MYRFL: variants seen among roughly 807,000 people sequenced by gnomAD.
MYRFL encodes the protein myelin regulatory factor-like protein.
In MYRFL, 88 loss-of-function variants were observed where a neutral mutation model predicts 109.4. The observed-to-expected ratio is 0.80, with a 90% CI of 0.68 to 0.96. The LOEUF (loss-of-function observed/expected upper bound fraction) is 0.96, where lower values mean the gene tolerates loss of function less well. Among genes scored for constraint, MYRFL ranks in the 40% least tolerant of loss-of-function variants. The probability of loss-of-function intolerance (pLI) is 0.00; values close to 1 mark genes in which losing one functional copy is unlikely to be tolerated. For synonymous variants in MYRFL, 324 were observed against 320.9 expected, an observed-to-expected ratio of 1.01 and a Z score of -0.10; for missense variants, 957 against 954.9, an observed-to-expected ratio of 1.00 and a Z score of -0.03.
chr12:69,831,123 A>G (rs1167897541), intron 1 of MYRFL, among the ~76,000 whole-genome samples: 1 of 152,168 alleles, frequency 6.6e-6, no homozygotes, highest in African/African-American at 2.4e-5. Flanking sequence ...AAATGGGATT[A>G]TATAATTTGT....
intron 19 of MYRFL, among the ~76,000 whole-genome samples, chr12:69,943,910 G>T (rs1017273193): frequency 4.6e-5 from 7 of 151,882 alleles, no homozygotes; most frequent in African/African-American, 1.7e-4. Context: ...AGACATTTAT[G>T]CAGCCAAAAA....
intron 19 of MYRFL, among the ~76,000 whole-genome samples, chr12:69,947,425 C>G (rs910626275): frequency 3.3e-5 from 5 of 152,038 alleles, no homozygotes; most frequent in African/African-American, 7.2e-5. Flanking sequence ...GAAAGGTTAT[C>G]TCTCCCTCTC....
chr12:69,949,187 G>A (rs942390392), intron 19 of MYRFL, among the ~76,000 whole-genome samples: 15 of 150,828 alleles, frequency 9.9e-5, no homozygotes, highest in Non-Finnish European at 1.9e-4. Flanking sequence ...CAAGTATTGT[G>A]TACTGTTGCT....
At chr12:69,951,744 T>TA (rs1955981766) in intron 19 of MYRFL, among the ~76,000 whole-genome samples, 1 of 152,200 alleles carries the variant, frequency 6.6e-6, no homozygotes, top group Non-Finnish European at 1.5e-5. Flanking sequence ...CTTCTGCTCT[T>TA]ACACGGACAC....
chr12:69,892,880 A>G (rs1330503668), intron 7 of MYRFL, among the ~76,000 whole-genome samples: 6 of 152,198 alleles, frequency 3.9e-5, no homozygotes, highest in South Asian at 2.1e-4. Context: ...ATTAAAATTA[A>G]TCTCATATTG....
At chr12:69,832,138 T>C (rs1447902200) in intron 1 of MYRFL, among the ~76,000 whole-genome samples, 1 of 152,178 alleles carries the variant, frequency 6.6e-6, no homozygotes, top group Non-Finnish European at 1.5e-5. Context: ...AACGATTAGA[T>C]ATAAAACTGG....
intron 11 of MYRFL, among the ~76,000 whole-genome samples, chr12:69,908,113 T>C (rs1954430211): frequency 6.6e-6 from 1 of 152,126 alleles, no homozygotes; most frequent in Non-Finnish European, 1.5e-5. Context: ...CCCCCTCCCT[T>C]CCTATCTTAC....
intron 13 of MYRFL, among the ~76,000 whole-genome samples, chr12:69,918,354 G>C (rs1954813176): frequency 6.6e-6 from 1 of 152,180 alleles, no homozygotes; most frequent in Admixed American, 6.5e-5. Context: ...AGGGCCTGTA[G>C]AGGAAGAAAA....
At chr12:69,836,102 A>G (rs1053615684) in intron 1 of MYRFL, among the ~76,000 whole-genome samples, 18 of 152,134 alleles carry the variant, frequency 1.2e-4, no homozygotes, top group African/African-American at 4.3e-4. Context: ...AGGTGGGGGA[A>G]CCAGAAGGGA....
At chr12:69,910,953 C>T in intron 13 of MYRFL, 23 bp downstream of exon 13, 1 of 1,477,642 alleles carries the variant, frequency 6.8e-7, no homozygotes, top group Non-Finnish European at 9.1e-7. Context: ...AAGATATCAG[C>T]TGCTATAAGC....
intron 2 of MYRFL, among the ~76,000 whole-genome samples, chr12:69,857,697 A>G (rs2136323248): frequency 6.6e-6 from 1 of 151,522 alleles, no homozygotes; most frequent in African/African-American, 2.4e-5. Flanking sequence ...GGAAATATTG[A>G]TTTTCATATA....
chr12:69,830,750 A>G (rs890763807), intron 1 of MYRFL, among the ~76,000 whole-genome samples: 1 of 152,108 alleles, frequency 6.6e-6, no homozygotes, highest in African/African-American at 2.4e-5. Context: ...TTTAATTAGA[A>G]TTTGAAGTGT....
Position 69,891,111 on chromosome 12 carries a change from C to A in MYRFL, c.848C>A (p.Thr283Asn), listed in dbSNP as rs1886772079. 2 of 1,534,672 alleles carry A rather than the reference C, an allele frequency of 1.3e-6. No individual in the cohort carries two copies. The highest frequency in any genetic ancestry group is 2.7e-5 in the African/African-American group (2 of 72,976). ...TGGGGAAGTCCAAAATTTGTTGAAACCGAGATGGGCCTAAAGCCAATAGAA... is the reference window on the plus strand; with the variant it reads ...TGGGGAAGTCCAAAATTTGTTGAAAACGAGATGGGCCTAAAGCCAATAGAA... ...QVWGSPKFVETEMGLKPIEMF... is the reference protein window; with the variant it reads ...QVWGSPKFVENEMGLKPIEMF... The change falls in exon 7 of 25, where the codon ACC (threonine) becomes AAC (asparagine). Residue 283 changes from threonine to asparagine, a missense_variant. Coordinates refer to ENST00000552032, the MANE Select transcript of MYRFL (RefSeq NM_182530.3).
In MYRFL at chr12:69,879,439, G is replaced by T; in HGVS notation, c.450G>T (p.Leu150=). ...GTTGTTCTTACCCTCAGCAGCCTCT[G>T]TGTCACAGCCCTGGGTAAAGAAAAA... ...GIGCSYPQQP[L]CHSPGASLPP... Residue 150 remains leucine (L), a synonymous_variant, in exon 4 of 25, where the codon CTG becomes CTT. Transcript: ENST00000552032. The T allele has an allele frequency of 1.4e-6, 1 of 702,618 alleles. No homozygotes were observed. Among genetic ancestry groups the T allele is most frequent in the Non-Finnish European group, 2.6e-6 (1 of 384,652 alleles). The allele number at this position is 702,618 out of a possible 1,614,324, so 43.5% of individuals were successfully genotyped here.
intron 13 of MYRFL, among the ~76,000 whole-genome samples, chr12:69,913,067 G>A (rs948557897): frequency 1.3e-5 from 2 of 151,814 alleles, no homozygotes; most frequent in Non-Finnish European, 2.9e-5. Context: ...TAGTGATGTT[G>A]CACATCTTTT....
At chr12:69,958,062 C>T in intron 23 of MYRFL, 120 bp downstream of exon 23, 1 of 1,391,752 alleles carries the variant, frequency 7.2e-7, no homozygotes, top group South Asian at 1.5e-5. Flanking sequence ...TTCCTTGTGT[C>T]CTTATGAAGT....
intron 4 of MYRFL, 92 bp from the exon 5 acceptor site, chr12:69,880,109 G>T: frequency 3.1e-6 from 2 of 638,984 alleles, no homozygotes; most frequent in South Asian, 3.6e-5. Context: ...TTAGACTTAG[G>T]AAAGCAGAGA....
At chr12:69,898,605 T>C (rs1954081724) in intron 10 of MYRFL, among the ~76,000 whole-genome samples, 1 of 152,222 alleles carries the variant, frequency 6.6e-6, no homozygotes, top group South Asian at 2.1e-4. Flanking sequence ...AAGTAAAGTC[T>C]GGAAACCCAG....
intron 1 of MYRFL, among the ~76,000 whole-genome samples, chr12:69,842,856 C>T (rs778315274): frequency 2.6e-5 from 4 of 152,222 alleles, no homozygotes; most frequent in Non-Finnish European, 4.4e-5. Context: ...TCCAAGCACA[C>T]GTTCATCATT....
Sources: gnomAD v4.1 joint callset for allele counts (sites outside exome capture counted in the v4.1 genomes callset) on GRCh38, gnomAD v4.1.1 for gene constraint, MANE v1.5 for transcripts, NCBI Gene and HGNC (gene_info 2026-07-23, HGNC 2026-07-21) for gene names.